Variants in RABEP1 observed in about 807,000 individuals in gnomAD.
RABEP1 encodes rabaptin, RAB GTPase binding effector protein 1.
Under a neutral mutation model 123.4 loss-of-function variants are expected in RABEP1, and 51 were observed. The ratio of observed to expected loss-of-function variants is 0.41; its 90% CI spans 0.33 to 0.52. RABEP1 has a LOEUF of 0.52. RABEP1 is among the 20% of genes least tolerant of loss of function. RABEP1 has a pLI of 0.16. For synonymous variants in RABEP1, 347 were observed against 355.2 expected, an observed-to-expected ratio of 0.98 and a Z score of 0.26; for missense variants, 888 against 996.3, an observed-to-expected ratio of 0.89 and a Z score of 1.46.
chr17:5,377,413 A>G, intron 14 of RABEP1, 108 bp downstream of exon 14: 1 of 809,826 alleles, frequency 1.2e-6, no homozygotes, highest in Non-Finnish European at 1.8e-6. Flanking sequence ...CTTAGGAAAG[A>G]ATTTAGTAAG....
At chr17:5,308,846 A>G in intron 2 of RABEP1, 24 bp downstream of exon 2, 6 of 1,567,328 alleles carry the variant, frequency 3.8e-6, no homozygotes, top group Non-Finnish European at 5.2e-6. Flanking sequence ...TCTCGCACCA[A>G]CTTCAATGCG....
intron 8 of RABEP1, among the ~76,000 whole-genome samples, chr17:5,358,278 G>T (rs201938657): frequency 2.1e-5 from 3 of 139,626 alleles, no homozygotes; most frequent in Non-Finnish European, 4.6e-5. Context: ...TTCGTTATAA[G>T]TAATGTCATA....
chr17:5,331,387 A>G lies in RABEP1; in HGVS notation c.164-562A>G, dbSNP rs1049745341. Among the ~76,000 whole-genome samples the G allele has an allele frequency of 2.6e-5, 4 of 151,992 alleles. No individual in the cohort carries two copies. The East Asian group carries it at 7.7e-4, about 29-fold the overall frequency. ...TGTTGATAAGTTCATCTTTTTTTTG[A>G]AGTTAGTTTGGCCAAACATATGTTC... is the stretch of plus-strand genomic sequence containing the variant. On this transcript the variant is annotated intron_variant, in intron 2 of 17. Coordinates refer to ENST00000537505, the MANE Select transcript of RABEP1 (RefSeq NM_004703.6).
In RABEP1 at chr17:5,350,595, T is replaced by G; in HGVS notation, c.929T>G (p.Leu310Arg). The G allele has an allele frequency of 6.2e-7, 1 of 1,613,910 alleles. No individual in the cohort carries two copies. ...RMEIVLTSEQ[L>R]RQVEELKKKD... is the part of the protein sequence containing the mutation. ...GAGATTGTGCTAACTTCAGAACAGCTCCGACAAGTTGAAGAACTGAAGAAG... is the reference window on the plus strand; with the variant it reads ...GAGATTGTGCTAACTTCAGAACAGCGCCGACAAGTTGAAGAACTGAAGAAG... The change falls in exon 7 of 18, where the codon CTC (leucine) becomes CGC (arginine). Residue 310 changes from leucine to arginine, a missense_variant. Physicochemically the swap from Leu to Arg is moderately radical, Grantham distance 102 (BLOSUM62 -2). Transcript: ENST00000537505.
chr17:5,378,776 A>G (rs1459683398), intron 15 of RABEP1: 1 of 167,792 alleles, frequency 6.0e-6, no homozygotes, highest in Admixed American at 6.5e-5. Flanking sequence ...CCATCCTTCC[A>G]GCTCTTCCAT....
At chr17:5,363,075 T>G in intron 10 of RABEP1, 59 bp downstream of exon 10, 1 of 1,294,526 alleles carries the variant, frequency 7.7e-7, no homozygotes, top group Non-Finnish European at 1.1e-6. Flanking sequence ...AGGTGCAGAA[T>G]TAATTGCCCC....
chr17:5,372,901 A>G (rs992024694), intron 12 of RABEP1, among the ~76,000 whole-genome samples: 37 of 152,024 alleles, frequency 2.4e-4, no homozygotes, highest in African/African-American at 8.7e-4. Flanking sequence ...CTGGGATTAC[A>G]GGCACCCCGC....
intron 10 of RABEP1, among the ~76,000 whole-genome samples, chr17:5,363,471 G>A (rs1452204067): frequency 6.6e-6 from 1 of 152,056 alleles, no homozygotes; most frequent in Non-Finnish European, 1.5e-5. Flanking sequence ...ACCTGCCTCA[G>A]CCTCCCAAAG....
At chr17:5,365,099 A>C in intron 10 of RABEP1, 23 bp from the exon 11 acceptor site, 1 of 1,469,514 alleles carries the variant, frequency 6.8e-7, no homozygotes, top group Non-Finnish European at 9.2e-7. Context: ...TGGTTTTTCT[A>C]ATTGACTTTT....
chr17:5,376,184 A>AGTGGCACTTGCCT (rs1301023246), intron 13 of RABEP1, among the ~76,000 whole-genome samples: 3 of 152,272 alleles, frequency 2.0e-5, no homozygotes, highest in Admixed American at 6.5e-5. Flanking sequence ...GGCCGGGCAC[A>AGTGGCACTTGCCT]GTGGCACTTG....
intron 4 of RABEP1, among the ~76,000 whole-genome samples, chr17:5,336,034 A>G (rs1907050208): frequency 6.6e-6 from 1 of 152,226 alleles, no homozygotes; most frequent in Admixed American, 6.5e-5. Context: ...ATACTTGAAC[A>G]TAGGGCAACT....
chr17:5,338,793 T>C (rs889322650), intron 5 of RABEP1, among the ~76,000 whole-genome samples: 15 of 152,172 alleles, frequency 9.9e-5, no homozygotes, highest in Non-Finnish European at 2.2e-4. Context: ...GCTCCAGCAT[T>C]GATCTTTTAG....
In RABEP1 at chr17:5,386,154, G is replaced by A; in HGVS notation, c.*2931G>A. 4 of 1,388,802 alleles carry A rather than the reference G, an allele frequency of 2.9e-6. No individual in the cohort carries two copies. Among genetic ancestry groups the A allele is most frequent in the South Asian group, 2.5e-5 (2 of 80,364 alleles). 86.0% of individuals were successfully genotyped at this position (1,388,802 alleles called of 1,614,324 possible). ...TAATTCTACCTGTTTTACAATATGG[G>A]TTTAAGCCTTCAATGGTGTTCAGTT... On this transcript the variant is annotated 3_prime_UTR_variant, in exon 18 of 18. Coordinates refer to ENST00000537505, the MANE Select transcript of RABEP1 (RefSeq NM_004703.6).
chr17:5,318,731 AAT>A (rs1205527586), intron 2 of RABEP1, among the ~76,000 whole-genome samples: 1 of 152,194 alleles, frequency 6.6e-6, no homozygotes, highest in African/African-American at 2.4e-5. Context: ...GCATAATCCT[AAT>A]CTCAAAACCA....
chr17:5,361,624 T>C lies in RABEP1; in HGVS notation c.1512T>C (p.Pro504=). The change falls in exon 9 of 18, where the codon CCT becomes CCC. Residue 504 remains proline (P), a synonymous_variant. Transcript: ENST00000537505. ...TQGMESAYVS[P]SGYRLVSETE... ...GCATGGAGAGTGCCTATGTGTCCCC[T>C]AGTGGTTATCGTTTAGTTAGTGAAA... is the stretch of plus-strand genomic sequence containing the variant. The C allele has an allele frequency of 6.2e-7, 1 of 1,612,170 alleles. No homozygotes were observed. The highest frequency in any genetic ancestry group is 1.1e-5 in the South Asian group (1 of 90,666).
chr17:5,362,887 A>G (rs1054489353), intron 9 of RABEP1, 25 bp from the exon 10 acceptor site: 14 of 1,486,308 alleles, frequency 9.4e-6, no homozygotes, highest in East Asian at 2.3e-5. Context: ...TTTGCCTGAT[A>G]AGAGGTAATT....
chr17:5,359,142 C>T (rs1324943361), intron 8 of RABEP1, among the ~76,000 whole-genome samples: 2 of 149,904 alleles, frequency 1.3e-5, no homozygotes, highest in South Asian at 2.1e-4. Context: ...GGTGTGATCT[C>T]GGCTCACTGC....
chr17:5,359,990 A>ATT (rs1909358087), intron 8 of RABEP1, among the ~76,000 whole-genome samples: 1 of 152,230 alleles, frequency 6.6e-6, no homozygotes, highest in African/African-American at 2.4e-5. Context: ...GTAACATAAA[A>ATT]TTTAAAGTGT....
intron 5 of RABEP1, among the ~76,000 whole-genome samples, chr17:5,340,849 G>A (rs1444587958): frequency 6.6e-6 from 1 of 151,558 alleles, no homozygotes; most frequent in African/African-American, 2.4e-5. Context: ...TGGGGAGGCT[G>A]AGGCAGGAGA....
Sources: gnomAD v4.1 joint callset for allele counts (sites outside exome capture counted in the v4.1 genomes callset) on GRCh38, gnomAD v4.1.1 for gene constraint, MANE v1.5 for transcripts, NCBI Gene and HGNC (gene_info 2026-07-23, HGNC 2026-07-21) for gene names.